The following GABRG3 variants were observed in gnomAD, a reference collection of about 807,000 sequenced individuals.
GABRG3 encodes the protein gamma-aminobutyric acid receptor subunit gamma-3.
Under a neutral mutation model 48.8 loss-of-function variants are expected in GABRG3, and 25 were observed. That is an observed-to-expected ratio of 0.51 (90% CI 0.37 to 0.72). GABRG3 has a LOEUF of 0.72. Among genes scored for constraint, GABRG3 ranks in the 30% least tolerant of loss-of-function variants. The probability of loss-of-function intolerance (pLI) is 0.00; values close to 1 mark genes in which losing one functional copy is unlikely to be tolerated. For missense variants in GABRG3, 394 were observed against 577.9 expected, an observed-to-expected ratio of 0.68 and a Z score of 3.26; for synonymous variants, 227 against 217.6, an observed-to-expected ratio of 1.04 and a Z score of -0.38.
intron 5 of GABRG3, among the ~76,000 whole-genome samples, chr15:27,354,364 T>C (rs919836418): frequency 2.0e-5 from 3 of 152,178 alleles, no homozygotes; most frequent in Non-Finnish European, 4.4e-5. Context: ...ACACCCTGAA[T>C]CATTTCTAAT....
chr15:27,215,262 C>G (rs7495281), intron 3 of GABRG3, among the ~76,000 whole-genome samples: 86,880 of 151,994 alleles, frequency 0.57, 25,589 homozygotes, highest in East Asian at 0.82. Context: ...CCCTTGCCTC[C>G]ACAGCCCCTG....
At chr15:27,380,633 G>C (rs1895736931) in intron 5 of GABRG3, among the ~76,000 whole-genome samples, 1 of 151,858 alleles carries the variant, frequency 6.6e-6, no homozygotes, top group African/African-American at 2.4e-5. Flanking sequence ...GGTCTCCCCT[G>C]TTGTCTTTGG....
chr15:27,161,649 T>G (rs1277032102), intron 3 of GABRG3, among the ~76,000 whole-genome samples: 1 of 152,200 alleles, frequency 6.6e-6, no homozygotes, highest in Non-Finnish European at 1.5e-5. Context: ...TTTGAATACT[T>G]TAGCATTTTG....
chr15:27,174,864 G>A (rs1481419991), intron 3 of GABRG3, among the ~76,000 whole-genome samples: 1 of 151,942 alleles, frequency 6.6e-6, no homozygotes. Flanking sequence ...CCTCTAAAAG[G>A]GACTCTGCCC....
At position 26,976,411 on chromosome 15, in the gene GABRG3, C is replaced by T. The variant is rs74006543; in HGVS notation, c.54-591C>T. ...CTAGAGGGTCTTCACCAGTCATCAG[C>T]GAACATCGCTGTCCTTGCCTCCAAT... is the stretch of plus-strand genomic sequence containing the variant. On this transcript the variant is annotated intron_variant, in intron 1 of 9. Coordinates refer to ENST00000615808, the MANE Select transcript of GABRG3 (RefSeq NM_033223.5). The surrounding 1 kb of genome is among the most constrained non-coding windows in gnomAD (Gnocchi z 7.8). 0.03 allele frequency among the ~76,000 whole-genome samples: 4,590 copies of T among 152,300 alleles called. 234 individuals are homozygous for T. The highest frequency in any genetic ancestry group is 0.1 in the African/African-American group (4,233 of 41,548).
At chr15:27,200,945 C>T (rs1277673496) in intron 3 of GABRG3, among the ~76,000 whole-genome samples, 9 of 152,102 alleles carry the variant, frequency 5.9e-5, no homozygotes, top group African/African-American at 2.2e-4. Flanking sequence ...CTCATCCATA[C>T]TTCATGAGAC....
intron 2 of GABRG3, among the ~76,000 whole-genome samples, chr15:27,024,011 G>A (rs1384865071): frequency 2.6e-5 from 4 of 152,078 alleles, no homozygotes; most frequent in Non-Finnish European, 5.9e-5. Context: ...TTTAATAGTA[G>A]CCATCCGAAT....
chr15:27,515,863 A>G (rs947132106), intron 6 of GABRG3, among the ~76,000 whole-genome samples: 4 of 152,186 alleles, frequency 2.6e-5, no homozygotes, highest in Non-Finnish European at 5.9e-5. Context: ...GGGATGATAA[A>G]TTCAGGTGGG....
chr15:27,122,822 G>A lies in GABRG3; in HGVS notation c.270+96001G>A, dbSNP rs185516366. ...TGCACTTGAAGCTTAGTAAAGCAGCGGAGACCCCCTTCACCCAGAGAGCTT... is the reference window on the plus strand; with the variant it reads ...TGCACTTGAAGCTTAGTAAAGCAGCAGAGACCCCCTTCACCCAGAGAGCTT... On this transcript the variant is annotated intron_variant, in intron 3 of 9. Coordinates refer to ENST00000615808, the MANE Select transcript of GABRG3 (RefSeq NM_033223.5). Among the ~76,000 whole-genome samples, 515 of 152,280 alleles carry A rather than the reference G, an allele frequency of 3.4e-3. 3 individuals carry two copies. The highest frequency in any genetic ancestry group is 0.011 in the African/African-American group (470 of 41,552).
intron 6 of GABRG3, among the ~76,000 whole-genome samples, chr15:27,509,235 T>G (rs887626570): frequency 2.0e-5 from 3 of 152,128 alleles, no homozygotes; most frequent in Non-Finnish European, 4.4e-5. Flanking sequence ...AAAGCAAAAA[T>G]GTATCTTTTT....
chr15:27,310,175 A>G (rs968257104), intron 3 of GABRG3, among the ~76,000 whole-genome samples: 1 of 152,042 alleles, frequency 6.6e-6, no homozygotes, highest in Non-Finnish European at 1.5e-5. Flanking sequence ...GGCAGCAGTT[A>G]TGGGTAGGGA....
rs1894900810 is a variant in GABRG3 at position 26,974,490 on chromosome 15, T to G, written c.54-2512T>G. On this transcript the variant is annotated intron_variant, in intron 1 of 9. Coordinates refer to ENST00000615808, the MANE Select transcript of GABRG3 (RefSeq NM_033223.5). This position sits in a 1 kb window ranked among gnomAD's most constrained non-coding sequence, Gnocchi z 4.3. ...GGGTGGAGGCTGTGGTCTGGCTCTG[T>G]AGTGGTGGGGGTAGGAGAGGGGAGG... 6.6e-6 allele frequency among the ~76,000 whole-genome samples: 1 copy of G among 150,510 alleles called. No homozygotes were observed. Among genetic ancestry groups the G allele is most frequent in the Non-Finnish European group, 1.5e-5 (1 of 67,694 alleles).
In GABRG3 at chr15:27,443,364, T is replaced by C. The variant is rs190740529; in HGVS notation, c.575-37286T>C. 3.3e-5 allele frequency among the ~76,000 whole-genome samples: 5 copies of C among 152,344 alleles called. 1 individual carries two copies. ...TATATCTCTTTATTTAGTTAGGTCT[T>C]CTTTAATTTTTCTAAACAGTGTTCA... is the stretch of plus-strand genomic sequence containing the variant. On this transcript the variant is annotated intron_variant, in intron 5 of 9. Transcript: ENST00000615808.
intron 5 of GABRG3, among the ~76,000 whole-genome samples, chr15:27,366,580 G>A (rs1436974998): frequency 6.6e-6 from 1 of 152,066 alleles, no homozygotes; most frequent in Non-Finnish European, 1.5e-5. Flanking sequence ...GCCCTGTTCT[G>A]CTGGCTAACA....
chr15:27,203,718 T>A (rs1888762714), intron 3 of GABRG3, among the ~76,000 whole-genome samples: 1 of 152,170 alleles, frequency 6.6e-6, no homozygotes, highest in African/African-American at 2.4e-5. Flanking sequence ...TTTGACTTTT[T>A]AATAACAGCC....
chr15:27,297,491 T>C (rs1298502793), intron 3 of GABRG3, among the ~76,000 whole-genome samples: 1 of 152,208 alleles, frequency 6.6e-6, no homozygotes, highest in Non-Finnish European at 1.5e-5. Flanking sequence ...ACATTTTTTA[T>C]GTTTACATAT....
intron 5 of GABRG3, among the ~76,000 whole-genome samples, chr15:27,477,783 G>C (rs1889985129): frequency 6.6e-6 from 1 of 152,152 alleles, no homozygotes; most frequent in Non-Finnish European, 1.5e-5. Context: ...GCTCACACCT[G>C]TAATCCCAGC....
chr15:27,039,055 A>G (rs1468594812), intron 3 of GABRG3, among the ~76,000 whole-genome samples: 3 of 152,216 alleles, frequency 2.0e-5, no homozygotes, highest in African/African-American at 7.2e-5. Flanking sequence ...CGTTACAAGT[A>G]CAACGGGGAC....
At chr15:27,121,109 G>T (rs779445162) in intron 3 of GABRG3, among the ~76,000 whole-genome samples, 14 of 152,168 alleles carry the variant, frequency 9.2e-5, no homozygotes, top group South Asian at 2.1e-4. Flanking sequence ...TTTAGACAAT[G>T]AGAGGGTGGC....
Sources: gnomAD v4.1 joint callset for allele counts (sites outside exome capture counted in the v4.1 genomes callset) on GRCh38, gnomAD v4.1.1 for gene constraint, Gnocchi (gnomAD v3.1) non-coding constraint, MANE v1.5 for transcripts, NCBI Gene and HGNC (gene_info 2026-07-23, HGNC 2026-07-21) for gene names.